SYT1: variants seen among roughly 807,000 people sequenced by gnomAD.
The protein encoded by SYT1 is synaptotagmin-1.
Under a neutral mutation model 44.8 loss-of-function variants are expected in SYT1, and 8 were observed. The observed-to-expected ratio is 0.18, with a 90% CI of 0.10 to 0.32. The LOEUF is 0.32. SYT1 is among the 10% of genes least tolerant of loss of function. The pLI, the probability that SYT1 is intolerant of heterozygous loss-of-function variation, is 1.00. For synonymous variants in SYT1, 154 were observed against 188.8 expected (o/e 0.82, Z 1.51); for missense variants, 286 against 509.3 (o/e 0.56, Z 4.22).
chr12:79,398,910 G>A (rs1340941402), intron 9 of SYT1, among the ~76,000 whole-genome samples: 1 of 152,122 alleles, frequency 6.6e-6, no homozygotes, highest in African/African-American at 2.4e-5. Context: ...CATGGCCCTT[G>A]TAGCTGATTC....
At chr12:79,387,510 T>G (rs1488486589) in intron 9 of SYT1, among the ~76,000 whole-genome samples, 3 of 152,198 alleles carry the variant, frequency 2.0e-5, no homozygotes, top group Admixed American at 6.5e-5. Context: ...TAAATCAATT[T>G]TATTGTTTTT....
rs543432945 is a variant in SYT1 at position 79,184,063 on chromosome 12, G to T, written c.-17-33440G>T. 2.2e-4 allele frequency among the ~76,000 whole-genome samples: 33 copies of T among 152,028 alleles called. No individual in the cohort carries two copies. In the East Asian group the frequency reaches 6.2e-3, roughly 29 times the overall value. On this transcript the variant is annotated intron_variant, in intron 3 of 10. Coordinates refer to ENST00000261205, the MANE Select transcript of SYT1 (RefSeq NM_005639.3). ...AACATCCTGTAGTTTTGCCCACATG[G>T]ATCAGTATTTTTCCCATTCTGTCAT... is the stretch of plus-strand genomic sequence containing the variant.
intron 3 of SYT1, among the ~76,000 whole-genome samples, chr12:79,108,632 A>G (rs1878845369): frequency 6.6e-6 from 1 of 152,114 alleles, no homozygotes. Context: ...CTTCTCATAC[A>G]TTTGTGGATT....
intron 1 of SYT1, among the ~76,000 whole-genome samples, chr12:78,918,637 A>G (rs574440586): frequency 6.6e-6 from 1 of 152,224 alleles, no homozygotes; most frequent in Non-Finnish European, 1.5e-5. Flanking sequence ...CAGAGGACTC[A>G]TCAGAGCAGC....
chr12:79,250,125 T>C (rs1877110255), intron 4 of SYT1, among the ~76,000 whole-genome samples: 2 of 152,206 alleles, frequency 1.3e-5, no homozygotes, highest in Admixed American at 6.5e-5. Context: ...ACCAATAATA[T>C]GTATCTAGGA....
At chr12:79,418,049 T>C (rs1438159364) in intron 9 of SYT1, among the ~76,000 whole-genome samples, 1 of 152,172 alleles carries the variant, frequency 6.6e-6, no homozygotes, top group African/African-American at 2.4e-5. Context: ...CAAAGCGTCC[T>C]CTTTCTAATG....
chr12:79,158,312 T>C (rs1334528079), intron 3 of SYT1, among the ~76,000 whole-genome samples: 2 of 152,106 alleles, frequency 1.3e-5, no homozygotes, highest in African/African-American at 4.8e-5. Flanking sequence ...CCCAGATTCC[T>C]CACATGCACA....
chr12:79,350,495 G>A (rs932370004), intron 8 of SYT1, among the ~76,000 whole-genome samples: 7 of 151,824 alleles, frequency 4.6e-5, no homozygotes, highest in Non-Finnish European at 1.0e-4. Context: ...CTCGTGATCC[G>A]CCCGCCTCGG....
At chr12:79,181,727 C>A (rs910920765) in intron 3 of SYT1, among the ~76,000 whole-genome samples, 4 of 152,046 alleles carry the variant, frequency 2.6e-5, no homozygotes, top group African/African-American at 9.7e-5. Flanking sequence ...ACTCCTGCTG[C>A]TCCAGGCTTC....
intron 2 of SYT1, among the ~76,000 whole-genome samples, chr12:79,035,949 CAA>C (rs5799409): frequency 1.6e-5 from 2 of 128,332 alleles, no homozygotes; most frequent in African/African-American, 2.8e-5. Flanking sequence ...AACAAACAAA[CAA>C]AAAAAAAAAA....
chr12:78,876,910 G>A (rs185039560), intron 1 of SYT1, among the ~76,000 whole-genome samples: 22 of 51,118 alleles, frequency 4.3e-4, no homozygotes, highest in East Asian at 4.9e-4. Flanking sequence ...TATATTATAT[G>A]TATTATATAT....
chr12:78,969,799 G>A (rs1469281444), intron 1 of SYT1, among the ~76,000 whole-genome samples: 16 of 152,138 alleles, frequency 1.1e-4, no homozygotes, highest in Admixed American at 9.8e-4. Flanking sequence ...TGCTTTATCA[G>A]TCTTGCATTT....
At chr12:78,879,571 A>T (rs1592518882) in intron 1 of SYT1, among the ~76,000 whole-genome samples, 1 of 151,830 alleles carries the variant, frequency 6.6e-6, no homozygotes, top group Non-Finnish European at 1.5e-5. Context: ...TTATCTAGAA[A>T]CCTGGGAGTT....
chr12:79,114,370 G>A (rs2138103509), intron 3 of SYT1, among the ~76,000 whole-genome samples: 1 of 152,244 alleles, frequency 6.6e-6, no homozygotes, highest in East Asian at 1.9e-4. Flanking sequence ...GGTACATGTA[G>A]GATAATCTGG....
intron 1 of SYT1, among the ~76,000 whole-genome samples, chr12:78,894,614 A>T (rs1033096053): frequency 1.3e-5 from 2 of 151,640 alleles, no homozygotes; most frequent in African/African-American, 4.8e-5. Context: ...TTGGACAAGG[A>T]TGACAACTCA....
intron 1 of SYT1, among the ~76,000 whole-genome samples, chr12:78,881,810 C>G (rs1565700257): frequency 1.3e-5 from 2 of 151,462 alleles, no homozygotes; most frequent in African/African-American, 4.8e-5. Context: ...TACCAGCTCT[C>G]TTTGAGAAGC....
intron 3 of SYT1, among the ~76,000 whole-genome samples, chr12:79,102,373 C>T (rs1026141263): frequency 5.3e-5 from 8 of 152,040 alleles, no homozygotes; most frequent in African/African-American, 1.9e-4. Flanking sequence ...ACACTCAATA[C>T]TTCCACCCCT....
intron 8 of SYT1, among the ~76,000 whole-genome samples, chr12:79,334,475 C>G (rs1455306209): frequency 6.6e-6 from 1 of 152,042 alleles, no homozygotes; most frequent in East Asian, 1.9e-4. Flanking sequence ...CAGGGAAAGG[C>G]TCGGCGAGGA....
At chr12:79,239,788 C>A (rs1010585223) in intron 4 of SYT1, among the ~76,000 whole-genome samples, 3 of 152,146 alleles carry the variant, frequency 2.0e-5, no homozygotes, top group Non-Finnish European at 4.4e-5. Flanking sequence ...GGCTTTTTTC[C>A]AAGCTCTTTC....
Sources: allele counts gnomAD v4.1 joint callset (sites outside exome capture counted in the v4.1 genomes callset), GRCh38; gene constraint gnomAD v4.1.1; transcripts MANE v1.5; gene names NCBI Gene and HGNC (gene_info 2026-07-23, HGNC 2026-07-21).